GPC6: variants seen among roughly 807,000 people sequenced by gnomAD.
The protein encoded by GPC6 is glypican 6.
A neutral mutation model predicts 55.2 loss-of-function variants in GPC6; 14 were observed. That is an observed-to-expected ratio of 0.25 (90% CI 0.17 to 0.40). The LOEUF (loss-of-function observed/expected upper bound fraction) is 0.40. Among genes scored for constraint, GPC6 ranks in the 10% least tolerant of loss-of-function variants. GPC6 has a pLI of 1.00. For synonymous variants in GPC6, 278 were observed against 259.6 expected, an observed-to-expected ratio of 1.07 and a Z score of -0.68; for missense variants, 641 against 708.5, an observed-to-expected ratio of 0.90 and a Z score of 1.08.
chr13:93,840,802 C>T (rs551342183), intron 3 of GPC6, among the ~76,000 whole-genome samples: 13 of 152,186 alleles, frequency 8.5e-5, no homozygotes, highest in South Asian at 2.1e-4. Context: ...GGAACATCCA[C>T]GGGTGAAATA....
At chr13:93,940,132 T>C (rs529719082) in intron 3 of GPC6, among the ~76,000 whole-genome samples, 1 of 152,342 alleles carries the variant, frequency 6.6e-6, no homozygotes, top group African/African-American at 2.4e-5. Flanking sequence ...TTATTATTTG[T>C]ACACTTTTCT....
chr13:93,841,263 A>G (rs1292824508), intron 3 of GPC6, among the ~76,000 whole-genome samples: 1 of 152,336 alleles, frequency 6.6e-6, no homozygotes, highest in East Asian at 1.9e-4. Flanking sequence ...TAGTGCTGAC[A>G]TAGTGAAGCG....
chr13:93,502,559 AT>A (rs1315345360), intron 1 of GPC6, among the ~76,000 whole-genome samples: 1 of 152,126 alleles, frequency 6.6e-6, no homozygotes, highest in Non-Finnish European at 1.5e-5. Context: ...TTGGAACTTC[AT>A]TTGTTCATCA....
intron 2 of GPC6, among the ~76,000 whole-genome samples, chr13:93,813,939 G>C (rs988054934): frequency 4.6e-5 from 7 of 151,962 alleles, no homozygotes; most frequent in African/African-American, 1.7e-4. Context: ...ATGTTCTTTA[G>C]ATTTTAATGT....
At chr13:93,956,610 C>T (rs1010385470) in intron 3 of GPC6, among the ~76,000 whole-genome samples, 5 of 152,156 alleles carry the variant, frequency 3.3e-5, no homozygotes, top group Non-Finnish European at 5.9e-5. Flanking sequence ...GGAGATGACA[C>T]CATCAATTAA....
chr13:94,019,409 G>A (rs959529476), intron 3 of GPC6, among the ~76,000 whole-genome samples: 1 of 152,186 alleles, frequency 6.6e-6, no homozygotes, highest in Non-Finnish European at 1.5e-5. Flanking sequence ...CAGGCGCTTA[G>A]AAGTCTGAAA....
chr13:93,466,798 T>C (rs751611929), intron 1 of GPC6, among the ~76,000 whole-genome samples: 2 of 152,176 alleles, frequency 1.3e-5, no homozygotes, highest in Admixed American at 6.5e-5. Flanking sequence ...CATGTGCTGG[T>C]GGAGTACTAC....
rs71126408 is a variant in GPC6 at position 93,667,735 on chromosome 13, G to GTT, written c.319+122326_319+122327dup. Reference sequence around the variant, plus strand: ...AAACCACCACACCCAGCCAGGACTTGTTTTTTTTTTTTTCTGTCAAATTTG... The same window carrying GTT: ...AAACCACCACACCCAGCCAGGACTTGTTTTTTTTTTTTTTTCTGTCAAATTTG... On this transcript the variant is annotated intron_variant, in intron 2 of 8. Transcript: ENST00000377047. Among the ~76,000 whole-genome samples the GTT allele has an allele frequency of 2.4e-5, 3 of 123,154 alleles. 1 individual carries two copies. The highest frequency in any genetic ancestry group is 8.0e-5 in the Admixed American group (1 of 12,444). The allele number at this position is 123,154 out of a possible 152,430, so 80.8% of individuals were successfully genotyped here.
rs745865563 is a variant in GPC6, at chr13:94,284,112, G to A, written c.878-2237G>A. On this transcript the variant is annotated intron_variant, in intron 4 of 8. Coordinates refer to ENST00000377047, the MANE Select transcript of GPC6 (RefSeq NM_005708.5). ...GCTTGACTGATGACAGGCTTGCCCG[G>A]CAGGTGGGAACAAAACCAGTCAAGA... 7.2e-5 allele frequency among the ~76,000 whole-genome samples: 11 copies of A among 152,312 alleles called. No homozygotes were observed. The East Asian group carries it at 2.1e-3, about 29-fold the overall frequency.
At chr13:93,542,608 C>T (rs906237218) in intron 1 of GPC6, among the ~76,000 whole-genome samples, 1 of 152,178 alleles carries the variant, frequency 6.6e-6, no homozygotes, top group Non-Finnish European at 1.5e-5. Context: ...TATAAATTAT[C>T]TTGGGCAGTA....
intron 2 of GPC6, among the ~76,000 whole-genome samples, chr13:93,730,959 G>T (rs9301902): frequency 6.6e-6 from 1 of 152,046 alleles, no homozygotes; most frequent in Non-Finnish European, 1.5e-5. Flanking sequence ...ACTTGAGGGC[G>T]CATTATGATA....
chr13:94,216,078 A>C (rs957568562), intron 4 of GPC6, among the ~76,000 whole-genome samples: 2 of 152,196 alleles, frequency 1.3e-5, no homozygotes, highest in Non-Finnish European at 2.9e-5. Flanking sequence ...TCTTTTCCAA[A>C]TGTATCTTAA....
intron 2 of GPC6, among the ~76,000 whole-genome samples, chr13:93,568,228 C>G (rs961889953): frequency 6.6e-6 from 1 of 152,154 alleles, no homozygotes; most frequent in Non-Finnish European, 1.5e-5. Flanking sequence ...TTTTATTCCA[C>G]TTTTAGAAGT....
chr13:94,401,641 C>T (rs1274112091), intron 8 of GPC6, among the ~76,000 whole-genome samples: 3 of 69,734 alleles, frequency 4.3e-5, no homozygotes, highest in South Asian at 8.2e-4. Context: ...GCTGGTCTAA[C>T]GTGATAATAT....
chr13:94,016,888 G>T (rs561538830), intron 3 of GPC6, among the ~76,000 whole-genome samples: 2 of 151,180 alleles, frequency 1.3e-5, no homozygotes, highest in African/African-American at 4.9e-5. Context: ...AGGCAGGAGT[G>T]CAATGGTGCG....
At chr13:93,985,144 A>G (rs949083925) in intron 3 of GPC6, among the ~76,000 whole-genome samples, 1 of 152,138 alleles carries the variant, frequency 6.6e-6, no homozygotes, top group Non-Finnish European at 1.5e-5. Flanking sequence ...AAGTAAAAAA[A>G]GAGGCCAGGG....
intron 3 of GPC6, among the ~76,000 whole-genome samples, chr13:93,916,885 G>A (rs1340311240): frequency 6.6e-6 from 1 of 152,076 alleles, no homozygotes. Context: ...ACCTCAGTGA[G>A]AAATAAATCC....
At chr13:93,460,689 G>T (rs1319502646) in intron 1 of GPC6, among the ~76,000 whole-genome samples, 1 of 152,040 alleles carries the variant, frequency 6.6e-6, no homozygotes, top group Non-Finnish European at 1.5e-5. Context: ...ATATTTCTCT[G>T]GAAGTTTATG....
chr13:93,963,621 C>T (rs1879886285), intron 3 of GPC6, among the ~76,000 whole-genome samples: 1 of 152,162 alleles, frequency 6.6e-6, no homozygotes, highest in Non-Finnish European at 1.5e-5. Context: ...AATAGCTGTG[C>T]TAAATGGCGT....
Sources: allele counts gnomAD v4.1 joint callset (sites outside exome capture counted in the v4.1 genomes callset), GRCh38; gene constraint gnomAD v4.1.1; transcripts MANE v1.5; gene names NCBI Gene and HGNC (gene_info 2026-07-23, HGNC 2026-07-21).